CPED1: variants seen among roughly 807,000 people sequenced by gnomAD.
CPED1 encodes the protein cadherin like and PC-esterase domain containing 1, also known as cadherin-like and PC-esterase domain-containing protein 1.
A neutral mutation model predicts 128.2 loss-of-function variants in CPED1; 114 were observed. The ratio of observed to expected loss-of-function variants is 0.89; its 90% confidence interval spans 0.76 to 1.04. The LOEUF (loss-of-function observed/expected upper bound fraction) is 1.04. Among genes scored for constraint, CPED1 ranks in the 50% least tolerant of loss-of-function variants. The pLI, the probability that CPED1 is intolerant of heterozygous loss-of-function variation, is 0.00. For missense variants in CPED1, 1,211 were observed against 1,207.1 expected (o/e 1.00, Z -0.05); for synonymous variants, 462 against 426.7 (o/e 1.08, Z -1.02).
chr7:121,143,759 G>T (rs897486121), intron 16 of CPED1, among the ~76,000 whole-genome samples: 1 of 151,916 alleles, frequency 6.6e-6, no homozygotes, highest in African/African-American at 2.4e-5. Context: ...AACTTTGGCA[G>T]TATCCACTAA....
chr7:121,275,212 A>G (rs1393079352), intron 22 of CPED1, among the ~76,000 whole-genome samples: 1 of 152,124 alleles, frequency 6.6e-6, no homozygotes, highest in Non-Finnish European at 1.5e-5. Context: ...CATAGGTGAG[A>G]TGAAAGATCT....
intron 7 of CPED1, among the ~76,000 whole-genome samples, chr7:121,103,938 A>C (rs1794912010): frequency 6.6e-6 from 1 of 152,148 alleles, no homozygotes; most frequent in African/African-American, 2.4e-5. Flanking sequence ...AAAAAAAATC[A>C]AGAAATGCAA....
At chr7:121,202,858 A>G (rs1797429976) in intron 16 of CPED1, among the ~76,000 whole-genome samples, 1 of 152,188 alleles carries the variant, frequency 6.6e-6, no homozygotes, top group African/African-American at 2.4e-5. Context: ...AGTCAATGCT[A>G]TAACCCAGGT....
At chr7:121,249,045 TAGC>T (rs1236484355) in intron 18 of CPED1, among the ~76,000 whole-genome samples, 6 of 152,112 alleles carry the variant, frequency 3.9e-5, no homozygotes, top group African/African-American at 1.4e-4. Flanking sequence ...TCAGAAGTAT[TAGC>T]AGCAGAATAG....
intron 18 of CPED1, among the ~76,000 whole-genome samples, chr7:121,264,703 A>G (rs1235800560): frequency 3.9e-5 from 6 of 152,014 alleles, no homozygotes; most frequent in Non-Finnish European, 5.9e-5. Context: ...TGCCATTAAA[A>G]TCAGAAAAAA....
intron 18 of CPED1, among the ~76,000 whole-genome samples, chr7:121,253,636 A>T (rs1310574195): frequency 2.6e-5 from 4 of 152,058 alleles, no homozygotes; most frequent in African/African-American, 9.7e-5. Context: ...CAGAGTAGCA[A>T]TCTGGGTAAA....
chr7:121,283,487 G>A (rs1792501898), intron 22 of CPED1, among the ~76,000 whole-genome samples: 1 of 152,204 alleles, frequency 6.6e-6, no homozygotes, highest in African/African-American at 2.4e-5. Flanking sequence ...ATGCATTCCA[G>A]CTCCTGTGCT....
intron 5 of CPED1, among the ~76,000 whole-genome samples, chr7:121,069,492 CAG>C (rs1345772135): frequency 6.6e-6 from 1 of 151,992 alleles, no homozygotes; most frequent in Non-Finnish European, 1.5e-5. Flanking sequence ...TGAGGCAGGA[CAG>C]AGTGTTGGCT....
intron 3 of CPED1, among the ~76,000 whole-genome samples, chr7:121,046,142 A>C (rs771211237): frequency 6.6e-6 from 1 of 152,158 alleles, no homozygotes; most frequent in Non-Finnish European, 1.5e-5. Flanking sequence ...TTTAGAGATT[A>C]GGCAAGAATG....
intron 5 of CPED1, among the ~76,000 whole-genome samples, chr7:121,086,433 T>A (rs1446765558): frequency 6.6e-6 from 1 of 152,198 alleles, no homozygotes; most frequent in Admixed American, 6.6e-5. Flanking sequence ...AACAACATTT[T>A]AAGCCATTTG....
At chr7:121,280,726 G>A (rs1792445957) in intron 22 of CPED1, among the ~76,000 whole-genome samples, 2 of 152,104 alleles carry the variant, frequency 1.3e-5, no homozygotes, top group African/African-American at 2.4e-5. Context: ...TGTCAAAATT[G>A]CATGATGTCC....
At chr7:121,143,508 C>A (rs1363523411) in intron 16 of CPED1, among the ~76,000 whole-genome samples, 2 of 151,892 alleles carry the variant, frequency 1.3e-5, no homozygotes, top group Non-Finnish European at 2.9e-5. Flanking sequence ...AGGTTTTGAC[C>A]TTTCAATTTG....
intron 5 of CPED1, among the ~76,000 whole-genome samples, chr7:121,084,396 T>C (rs1229527196): frequency 1.3e-5 from 2 of 152,224 alleles, no homozygotes; most frequent in African/African-American, 2.4e-5. Context: ...TAAATATTTA[T>C]GCACGATTAC....
chr7:121,189,160 C>T (rs1410347031), intron 16 of CPED1, among the ~76,000 whole-genome samples: 1 of 152,064 alleles, frequency 6.6e-6, no homozygotes, highest in Non-Finnish European at 1.5e-5. Flanking sequence ...TCCAAGATAG[C>T]TTTCTTCATT....
chr7:121,235,775 A>C (rs900535200), intron 16 of CPED1, among the ~76,000 whole-genome samples: 2 of 152,178 alleles, frequency 1.3e-5, no homozygotes, highest in African/African-American at 2.4e-5. Flanking sequence ...CAAACGGTGA[A>C]GAGCATAAAG....
chr7:121,218,235 T>G (rs1797802102), intron 16 of CPED1, among the ~76,000 whole-genome samples: 1 of 151,594 alleles, frequency 6.6e-6, no homozygotes, highest in Non-Finnish European at 1.5e-5. Flanking sequence ...CCTCAGGTGA[T>G]TTGTCCGTCT....
chr7:121,006,833 C>T (rs897518912), intron 2 of CPED1, among the ~76,000 whole-genome samples: 1 of 152,008 alleles, frequency 6.6e-6, no homozygotes, highest in East Asian at 1.9e-4. Flanking sequence ...ACGTGGGTGG[C>T]ATCTCAAAGG....
At chr7:120,994,193 GCTTGCACT>G (rs1796355182) in intron 2 of CPED1, 2 of 153,482 alleles carry the variant, frequency 1.3e-5, no homozygotes, top group African/African-American at 4.8e-5. Context: ...AGCAAAAAAT[GCTTGCACT>G]CTTGGCAAGA....
At chr7:121,081,362 C>CT (rs1263334977) in intron 5 of CPED1, among the ~76,000 whole-genome samples, 1 of 152,030 alleles carries the variant, frequency 6.6e-6, no homozygotes, top group Non-Finnish European at 1.5e-5. Context: ...AATAGGGTAG[C>CT]TTTGGAAGAT....
Sources: gnomAD v4.1 joint callset for allele counts (sites outside exome capture counted in the v4.1 genomes callset) on GRCh38, gnomAD v4.1.1 for gene constraint, MANE v1.5 for transcripts, NCBI Gene and HGNC (gene_info 2026-07-23, HGNC 2026-07-21) for gene names.